Variants in ANAPC2 observed in about 807,000 individuals in gnomAD.
ANAPC2 encodes anaphase-promoting complex subunit 2.
Under a neutral mutation model 84.3 loss-of-function variants are expected in ANAPC2, and 29 were observed. The observed-to-expected ratio is 0.34, with a 90% CI of 0.26 to 0.47. ANAPC2 has a LOEUF of 0.47. ANAPC2 is among the 20% of genes least tolerant of loss of function. The pLI, the probability that ANAPC2 is intolerant of heterozygous loss-of-function variation, is 1.00. For missense variants in ANAPC2, 857 were observed against 1,131.7 expected, an observed-to-expected ratio of 0.76 and a Z score of 3.48; for synonymous variants, 571 against 479.4, an observed-to-expected ratio of 1.19 and a Z score of -2.50.
chr9:137,178,371 T>C (rs2131332119), intron 10 of ANAPC2, among the ~76,000 whole-genome samples: 1 of 152,312 alleles, frequency 6.6e-6, no homozygotes, highest in East Asian at 1.9e-4. Context: ...GAGCCACTCC[T>C]GTGTCCCACT....
chr9:137,179,960 C>T (rs933766159), intron 10 of ANAPC2, among the ~76,000 whole-genome samples: 1 of 152,236 alleles, frequency 6.6e-6, no homozygotes, highest in Non-Finnish European at 1.5e-5. Context: ...GCCTGTGGGC[C>T]GCGCGGACGC....
Position 137,182,131 on chromosome 9 carries a change from A to G in ANAPC2, c.1287-269T>C, listed in dbSNP as rs543434697. ...ATAGGGACACTAAGCCAGAAGACCT[A>G]AGCCCAGGTGTCCGAGGCTGCAGGG... On this transcript the variant is annotated intron_variant, in intron 6 of 12. Coordinates refer to ENST00000323927, the MANE Select transcript of ANAPC2 (RefSeq NM_013366.4). Among the ~76,000 whole-genome samples the G allele has an allele frequency of 2.6e-5, 4 of 152,352 alleles. No homozygotes were observed. The East Asian group carries it at 7.7e-4, about 29-fold the overall frequency.
At position 137,175,398 on chromosome 9, in the gene ANAPC2, ACACGGACATCCGCCGCCGCAGCAGCGC is replaced by A; in HGVS notation, c.2068_2094del (p.Ala690_Val698del). ...TCACGCAGCACACCCTGCTGCAGCCACACGGACATCCGCCGCCGCAGCAGCGCCACGGGCATCTTCACCGCCTTGCTC... is the reference window on the plus strand; with the variant it reads ...TCACGCAGCACACCCTGCTGCAGCCACACGGGCATCTTCACCGCCTTGCTC... On this transcript the variant is annotated inframe_deletion, in exon 12 of 13. Transcript: ENST00000323927. 1 of 1,609,312 alleles carries A rather than the reference ACACGGACATCCGCCGCCGCAGCAGCGC, an allele frequency of 6.2e-7. No individual in the cohort carries two copies. Among genetic ancestry groups the A allele is most frequent in the Non-Finnish European group, 8.5e-7 (1 of 1,178,696 alleles).
At chr9:137,176,024 G>A (rs1402901731) in intron 10 of ANAPC2, 187 bp from the exon 11 acceptor site, 2 of 634,550 alleles carry the variant, frequency 3.2e-6, no homozygotes, top group African/African-American at 2.8e-5. Flanking sequence ...CCATGGAAGG[G>A]CAATGGGGCC....
At chr9:137,188,363 C>A (rs960598390) in intron 1 of ANAPC2, 53 bp downstream of exon 1, 13 of 1,559,034 alleles carry the variant, frequency 8.3e-6, no homozygotes, top group Non-Finnish European at 1.1e-5. Flanking sequence ...CCCCAAAGCG[C>A]GTACGGTCCC....
intron 6 of ANAPC2, 50 bp from the exon 7 acceptor site, chr9:137,181,912 A>G (rs551357840): frequency 7.1e-6 from 11 of 1,538,870 alleles, no homozygotes; most frequent in Non-Finnish European, 8.7e-6. Context: ...CCCCGCGCGC[A>G]CCTCCCACCA....
intron 10 of ANAPC2, 60 bp downstream of exon 10, chr9:137,180,121 A>G: frequency 6.5e-7 from 1 of 1,536,964 alleles, no homozygotes; most frequent in Non-Finnish European, 8.9e-7. Flanking sequence ...GGCTGCTGGG[A>G]GCCCCGCAGT....
At chr9:137,183,414 G>T in intron 5 of ANAPC2, 172 bp from the exon 6 acceptor site, 1 of 755,154 alleles carries the variant, frequency 1.3e-6, no homozygotes, top group Non-Finnish European at 2.2e-6. Context: ...GTCCCGCCCT[G>T]CAGGGAGGTC....
Position 137,175,483 on chromosome 9 carries a change from A to T in ANAPC2, c.2021-11T>A. On this transcript the variant is annotated splice_polypyrimidine_tract_variant and intron_variant, in intron 11 of 12. Transcript: ENST00000323927. ...CCAGGGTCCAGCTGGCTGCGTGCAG[A>T]GTCACCGGGACGCTGGGCAGCCTGG... is the stretch of plus-strand genomic sequence containing the variant. The T allele has an allele frequency of 6.5e-7, 1 of 1,547,162 alleles. No individual in the cohort carries two copies. The highest frequency in any genetic ancestry group is 8.7e-7 in the Non-Finnish European group (1 of 1,145,504).
chr9:137,180,165 C>A lies in ANAPC2; in HGVS notation c.1890+16G>T, dbSNP rs1161283718. On this transcript the variant is annotated intron_variant, in intron 10 of 12. Transcript: ENST00000323927. ...GGGGTGCCAAGAGCCCATGGGGTGG[C>A]CTGGCATGGAGGTACCTTGAGCTGC... The A allele has an allele frequency of 1.7e-5, 27 of 1,610,586 alleles. No homozygotes were observed. The highest frequency in any genetic ancestry group is 2.1e-5 in the Non-Finnish European group (25 of 1,178,208).
chr9:137,183,421 G>T lies in ANAPC2; in HGVS notation c.1169-179C>A, dbSNP rs148720481. On this transcript the variant is annotated intron_variant, in intron 5 of 12. Transcript: ENST00000323927. ...GTTCACAGGTCCCGCCCTGCAGGGA[G>T]GTCTGTTCTGAGAGAACTAAGTCTC... The T allele has an allele frequency of 5.4e-6, 4 of 742,758 alleles. No homozygotes were observed. In the East Asian group the frequency reaches 1.1e-4, roughly 20 times the overall value. 46.0% of individuals were successfully genotyped at this position (742,758 alleles called of 1,614,324 possible).
chr9:137,183,510 C>A, intron 5 of ANAPC2, 162 bp downstream of exon 5: 1 of 1,115,520 alleles, frequency 9.0e-7, no homozygotes, highest in Non-Finnish European at 1.2e-6. Context: ...AGCTGACGGG[C>A]ACCTCAGATC....
intron 11 of ANAPC2, 49 bp from the exon 12 acceptor site, chr9:137,175,521 C>T (rs1374376707): frequency 2.7e-6 from 4 of 1,499,294 alleles, no homozygotes; most frequent in African/African-American, 2.8e-5. Flanking sequence ...ACGGGCTGCA[C>T]CTCCCCTGCC....
intron 2 of ANAPC2, chr9:137,187,025 A>T: frequency 5.6e-6 from 1 of 177,558 alleles, no homozygotes; most frequent in South Asian, 1.3e-4. Flanking sequence ...GTCTCTCACA[A>T]CAAACCCCTC....
rs1329410826 is a variant in ANAPC2 at position 137,188,464 on chromosome 9, G to A, written c.69C>T (p.Ala23=). The change falls in exon 1 of 13, where the codon GCC becomes GCT. Residue 23 remains alanine (A), a synonymous_variant. Coordinates refer to ENST00000323927, the MANE Select transcript of ANAPC2 (RefSeq NM_013366.4). ...CCAGGCCGGTGCTCACGGTGTTCCA[G>A]GCCACTAACAACTCCTGTCCGGGCC... ...DSRPGQELLV[A]WNTVSTGLVP... is the part of the protein sequence containing the mutation. 6.2e-7 allele frequency: 1 copy of A among 1,610,392 alleles called. No individual in the cohort carries two copies. The highest frequency in any genetic ancestry group is 1.3e-5 in the African/African-American group (1 of 74,914).
chr9:137,175,620 C>A, intron 11 of ANAPC2, 88 bp downstream of exon 11: 1 of 1,527,560 alleles, frequency 6.5e-7, no homozygotes, highest in Non-Finnish European at 8.8e-7. Context: ...CGCAGCTGCC[C>A]CAAACCACAC....
chr9:137,181,893 G>A (rs966824466), intron 6 of ANAPC2, 31 bp from the exon 7 acceptor site: 2 of 1,584,566 alleles, frequency 1.3e-6, no homozygotes, highest in Non-Finnish European at 1.7e-6. Context: ...GTGGCCCACA[G>A]TGTGGACACC....
chr9:137,180,814 C>T lies in ANAPC2; in HGVS notation c.1584G>A (p.Leu528=). The part of the protein sequence containing the change: ...EYRSLLADRL[L]HQFSFSPERE... ...GCTCGGGGCTGAAGCTGAACTGGTGCAGCAGGCGGTCGGCCAGCAGCGAGC... is the reference window on the plus strand; with the variant it reads ...GCTCGGGGCTGAAGCTGAACTGGTGTAGCAGGCGGTCGGCCAGCAGCGAGC... Residue 528 remains leucine, a synonymous_variant, in exon 8 of 13, where the codon CTG becomes CTA. Coordinates refer to ENST00000323927, the MANE Select transcript of ANAPC2 (RefSeq NM_013366.4). 6.2e-7 allele frequency: 1 copy of T among 1,612,328 alleles called. No individual in the cohort carries two copies.
intron 2 of ANAPC2, 72 bp from the exon 3 acceptor site, chr9:137,186,428 C>T: frequency 6.6e-7 from 1 of 1,515,142 alleles, no homozygotes; most frequent in Non-Finnish European, 8.9e-7. Flanking sequence ...AGCCCCATGC[C>T]AGGACTGCCC....
Sources: allele counts gnomAD v4.1 joint callset (sites outside exome capture counted in the v4.1 genomes callset), GRCh38; gene constraint gnomAD v4.1.1; transcripts MANE v1.5; gene names NCBI Gene and HGNC (gene_info 2026-07-23, HGNC 2026-07-21).